The following DYSF variants were observed in gnomAD, a reference collection of about 807,000 sequenced individuals.
DYSF encodes the protein dystrophy-associated fer-1-like 1.
Under a neutral mutation model 274.9 loss-of-function variants are expected in DYSF, and 212 were observed. The ratio of observed to expected loss-of-function variants is 0.77; its 90% CI spans 0.69 to 0.86. The LOEUF is 0.86. DYSF is among the 40% of genes least tolerant of loss of function. The pLI is 0.00. For missense variants in DYSF, 2,666 were observed against 2,783.2 expected (o/e 0.96, Z 0.95); for synonymous variants, 1,091 against 1,078.7 (o/e 1.01, Z -0.22).
intron 41 of DYSF, among the ~76,000 whole-genome samples, chr2:71,643,613 G>A (rs2094520945): frequency 6.6e-6 from 1 of 152,136 alleles, no homozygotes; most frequent in Admixed American, 6.5e-5. Context: ...TCTGATTTTG[G>A]TCTCAGTGTG....
At chr2:71,553,752 A>AAGCCCCC in intron 20 of DYSF, 55 bp from the exon 21 acceptor site, 1 of 267,802 alleles carries the variant, frequency 3.7e-6, no homozygotes. Context: ...TTAGCACCCC[A>AAGCCCCC]TCCCACCCGC....
chr2:71,568,284 G>A lies in DYSF; in HGVS notation c.2810G>A (p.Arg937His), dbSNP rs765601966. 15 of 1,614,090 alleles carry A rather than the reference G, an allele frequency of 9.3e-6. No homozygotes were observed. The highest frequency in any genetic ancestry group is 2.7e-5 in the African/African-American group (2 of 74,930). ...GKIKLPKDSF[R>H]PSAGWTWAGD... ...ATCAAGCTACCCAAGGACAGCTTCC[G>A]CCCCTCGGCCGGCTGGACCTGGGCT... Residue 937 changes from arginine (R) to histidine (H), a missense_variant, in exon 26 of 56, where the codon CGC (arginine) becomes CAC (histidine). By Grantham distance (29) the Arg-to-His change is conservative. This residue lies in a region of DYSF where 412 missense variants were observed against 504.0 expected (regional missense o/e 0.82). Transcript: ENST00000410020.
rs994288914 is a variant in DYSF at position 71,513,341 on chromosome 2, C to G, written c.553+9C>G. The G allele has an allele frequency of 1.2e-5, 18 of 1,551,078 alleles. No homozygotes were observed. The highest frequency in any genetic ancestry group is 2.4e-5 in the East Asian group (1 of 40,918). On this transcript the variant is annotated intron_variant, in intron 6 of 55. Coordinates refer to ENST00000410020, the MANE Select transcript of DYSF (RefSeq NM_001130987.2). ...GTGGCCGGCCCCCACGGGTGAGACA[C>G]GGGCCAGGACTGTCCTGATCCCAGA... is the stretch of plus-strand genomic sequence containing the variant.
chr2:71,526,933 C>T (rs2087989021), intron 13 of DYSF, among the ~76,000 whole-genome samples: 1 of 152,268 alleles, frequency 6.6e-6, no homozygotes, highest in Non-Finnish European at 1.5e-5. Context: ...GACTTGCAAC[C>T]ATCTCTTCCT....
chr2:71,533,847 C>A (rs2089011694), intron 14 of DYSF, among the ~76,000 whole-genome samples: 1 of 152,186 alleles, frequency 6.6e-6, no homozygotes, highest in Non-Finnish European at 1.5e-5. Context: ...CTTTGTGTTT[C>A]TTTCTGAGTG....
At chr2:71,584,073 G>C (rs1343997804) in intron 30 of DYSF, among the ~76,000 whole-genome samples, 1 of 152,214 alleles carries the variant, frequency 6.6e-6, no homozygotes, top group Non-Finnish European at 1.5e-5. Context: ...GTGGCTGCCA[G>C]CCCCAGCCTG....
At chr2:71,682,463 G>A in intron 54 of DYSF, 67 bp from the exon 55 acceptor site, 1 of 1,608,860 alleles carries the variant, frequency 6.2e-7, no homozygotes, top group Non-Finnish European at 8.5e-7. Flanking sequence ...CTGCTGTTGA[G>A]AGAAGAGTTT....
At chr2:71,656,965 A>G (rs2094786650) in intron 43 of DYSF, among the ~76,000 whole-genome samples, 1 of 152,216 alleles carries the variant, frequency 6.6e-6, no homozygotes, top group African/African-American at 2.4e-5. Flanking sequence ...AAAACCAATT[A>G]TGCCTTCCTT....
chr2:71,600,914 C>A, intron 34 of DYSF, 72 bp downstream of exon 34: 1 of 1,591,300 alleles, frequency 6.3e-7, no homozygotes, highest in African/African-American at 1.3e-5. Context: ...TCTGTGGGAG[C>A]CTGGAACACC....
In DYSF at chr2:71,632,380, T is replaced by C. The variant is rs114163891; in HGVS notation, c.4528-11585T>C. On this transcript the variant is annotated intron_variant, in intron 41 of 55. Transcript: ENST00000410020. ...AGTAATGTGATTTTGTATATGAAAA[T>C]GCATACAGTAACTAGAAAGTAGGTT... is the stretch of plus-strand genomic sequence containing the variant. 4.4e-3 allele frequency among the ~76,000 whole-genome samples: 666 copies of C among 152,340 alleles called. 1 individual carries two copies. Among genetic ancestry groups the C allele is most frequent in the Admixed American group, 9.9e-3 (151 of 15,306 alleles).
intron 36 of DYSF, among the ~76,000 whole-genome samples, chr2:71,606,479 G>T (rs2093649610): frequency 6.6e-6 from 1 of 152,138 alleles, no homozygotes. Flanking sequence ...AGTGCTGAGA[G>T]GCTTCCCAGT....
chr2:71,612,673 C>T lies in DYSF; in HGVS notation c.4254C>T (p.Pro1418=), dbSNP rs142769942. The T allele has an allele frequency of 4.3e-4, 693 of 1,614,178 alleles. No homozygotes were observed. Among genetic ancestry groups the T allele is most frequent in the Admixed American group, 3.0e-3 (181 of 60,026 alleles). Residue 1418 remains proline, a synonymous_variant, in exon 39 of 56, where the codon CCC becomes CCT. Transcript: ENST00000410020. ...CCAGGGAGGAGCTCTACTGCCCCCC[C>T]ATCACCGTCAAGGTCATCGATAACC... is the stretch of plus-strand genomic sequence containing the variant. ...MLPREELYCP[P]ITVKVIDNRQ... is the part of the protein sequence containing the mutation.
chr2:71,664,857 A>G (rs1295126690), intron 46 of DYSF, among the ~76,000 whole-genome samples: 1 of 152,174 alleles, frequency 6.6e-6, no homozygotes, highest in Admixed American at 6.5e-5. Context: ...AGGGGAATGC[A>G]TGTGAGGACT....
rs754355332 is a variant in DYSF at position 71,601,507 on chromosome 2, C to A, written c.3906C>A (p.Ile1302=). The A allele has an allele frequency of 5.0e-6, 8 of 1,614,240 alleles. No homozygotes were observed. Among genetic ancestry groups the A allele is most frequent in the Non-Finnish European group, 6.8e-6 (8 of 1,180,050 alleles). Residue 1302 remains isoleucine, a synonymous_variant, in exon 35 of 56, where the codon ATC becomes ATA. Transcript: ENST00000410020. ...FELIQREKPA[I]HHIPGFEVQE... ...TCTTTTCTTCACTCCAGCCGGCCATCCACCATATTCCTGGTTTTGAGGTAA... is the reference window on the plus strand; with the variant it reads ...TCTTTTCTTCACTCCAGCCGGCCATACACCATATTCCTGGTTTTGAGGTAA...
intron 36 of DYSF, among the ~76,000 whole-genome samples, chr2:71,606,687 A>G (rs2093654195): frequency 6.6e-6 from 1 of 152,180 alleles, no homozygotes; most frequent in South Asian, 2.1e-4. Flanking sequence ...AGGGTCATGT[A>G]GACGGGGTTA....
chr2:71,565,960 A>G (rs1224308733), intron 24 of DYSF, among the ~76,000 whole-genome samples: 1 of 152,200 alleles, frequency 6.6e-6, no homozygotes, highest in African/African-American at 2.4e-5. Flanking sequence ...GGCCAGGGAT[A>G]GTAGATGTCT....
intron 41 of DYSF, among the ~76,000 whole-genome samples, chr2:71,636,169 C>T (rs115640803): frequency 5.3e-5 from 8 of 152,196 alleles, no homozygotes; most frequent in East Asian, 1.9e-4. Context: ...CGATCACAAG[C>T]GACTTTAGAA....
chr2:71,626,058 A>G (rs187590725), intron 41 of DYSF, among the ~76,000 whole-genome samples: 1 of 152,154 alleles, frequency 6.6e-6, no homozygotes, highest in Non-Finnish European at 1.5e-5. Context: ...TGGATTTTCT[A>G]TAGAGTCAAT....
chr2:71,631,577 A>G (rs998787689), intron 41 of DYSF, among the ~76,000 whole-genome samples: 11 of 152,146 alleles, frequency 7.2e-5, no homozygotes, highest in African/African-American at 2.2e-4. Context: ...CAGAGCAAAT[A>G]CAAATCGCCC....
Sources: gnomAD v4.1 joint callset for allele counts (sites outside exome capture counted in the v4.1 genomes callset) on GRCh38, gnomAD v4.1.1 for gene constraint, gnomAD v4.1.1 regional missense constraint, MANE v1.5 for transcripts, NCBI Gene and HGNC (gene_info 2026-07-23, HGNC 2026-07-21) for gene names.